Variants in EFNA1 observed in about 807,000 individuals in gnomAD.
The protein encoded by EFNA1 is ephrin A1, also known as ephrin-A1.
EFNA1 carries 8 observed loss-of-function variants against 23.2 expected under a neutral mutation model. The ratio of observed to expected loss-of-function variants is 0.34; its 90% CI spans 0.20 to 0.62. EFNA1 has a LOEUF of 0.62. EFNA1 is among the 20% of genes least tolerant of loss of function. The probability of loss-of-function intolerance (pLI) is 0.75; values close to 1 mark genes in which losing one functional copy is unlikely to be tolerated. For synonymous variants in EFNA1, 89 were observed against 98.6 expected (o/e 0.90, Z 0.58); for missense variants, 217 against 260.0 (o/e 0.83, Z 1.14).
chr1:155,130,790 T>C, intron 1 of EFNA1: 1 of 983,948 alleles, frequency 1.0e-6, no homozygotes, highest in Non-Finnish European at 1.2e-6. Flanking sequence ...AGCTGGGAAA[T>C]GTGAGATCTA....
intron 1 of EFNA1, chr1:155,130,474 G>C: frequency 1.0e-6 from 1 of 976,654 alleles, no homozygotes; most frequent in South Asian, 4.7e-5. Flanking sequence ...GGAGGGGAGA[G>C]GAGGGGAGAG....
chr1:155,132,416 T>C (rs983927994), intron 2 of EFNA1, among the ~76,000 whole-genome samples: 1 of 151,766 alleles, frequency 6.6e-6, no homozygotes, highest in African/African-American at 2.4e-5. Flanking sequence ...GCCCAGCTAA[T>C]TTTGTATTTT....
chr1:155,131,172 G>A, intron 1 of EFNA1, 167 bp from the exon 2 acceptor site: 1 of 1,351,410 alleles, frequency 7.4e-7, no homozygotes, highest in African/African-American at 1.5e-5. Flanking sequence ...AGATGGCAGA[G>A]AGAAATGTAA....
chr1:155,131,016 T>C, intron 1 of EFNA1: 1 of 985,254 alleles, frequency 1.0e-6, no homozygotes, highest in African/African-American at 1.7e-5. Context: ...GAATGATAAG[T>C]GAGCTACAGA....
Position 155,128,025 on chromosome 1 carries a change from C to T in EFNA1, c.48C>T (p.Ala16=). 6 of 1,613,778 alleles carry T rather than the reference C, an allele frequency of 3.7e-6. No homozygotes were observed. The highest frequency in any genetic ancestry group is 1.3e-5 in the African/African-American group (1 of 75,056). The change falls in exon 1 of 5, where the codon GCC becomes GCT. Residue 16 remains alanine, a synonymous_variant. Coordinates refer to ENST00000368407, the MANE Select transcript of EFNA1 (RefSeq NM_004428.3). ...TCTTGGGTCTGTGCTGCAGTCTGGCCGCTGCTGATCGCCACACCGTCTTCT... is the reference window on the plus strand; with the variant it reads ...TCTTGGGTCTGTGCTGCAGTCTGGCTGCTGCTGATCGCCACACCGTCTTCT... ...APLLGLCCSL[A]AADRHTVFWN...
chr1:155,128,764 AG>A (rs1664153303), intron 1 of EFNA1, among the ~76,000 whole-genome samples: 1 of 152,212 alleles, frequency 6.6e-6, no homozygotes, highest in Non-Finnish European at 1.5e-5. Flanking sequence ...GGGTTACAGA[AG>A]GTTCTGGGCA....
At chr1:155,132,933 CAG>C (rs1557786556) in intron 2 of EFNA1, among the ~76,000 whole-genome samples, 1 of 151,516 alleles carries the variant, frequency 6.6e-6, no homozygotes, top group Admixed American at 6.6e-5. Flanking sequence ...TTTTCTGAGA[CAG>C]AGTCTCGCTC....
At position 155,133,557 on chromosome 1, in the gene EFNA1, G is replaced by T. The variant is rs2102472809; in HGVS notation, c.443G>T (p.Ser148Ile). ...DRCLRLKVTV[S>I]GKITHSPQAH... is the part of the protein sequence containing the mutation. ...TGCTTGAGGTTGAAGGTGACTGTCA[G>T]TGGCAAAATCAGTGAGTGTCAGAGC... The change falls in exon 3 of 5, where the codon AGT (serine) becomes ATT (isoleucine). Residue 148 changes from serine to isoleucine, a missense_variant. Ser to Ile is a moderately radical substitution (Grantham distance 142, BLOSUM62 -2). Transcript: ENST00000368407. 1.9e-6 allele frequency: 3 copies of T among 1,613,942 alleles called. No homozygotes were observed. The highest frequency in any genetic ancestry group is 1.1e-5 in the South Asian group (1 of 91,066).
In EFNA1 at chr1:155,129,317, A is replaced by AG. The variant is rs991023002; in HGVS notation, c.92+1255dup. Among the ~76,000 whole-genome samples, 15 of 152,024 alleles carry AG rather than the reference A, an allele frequency of 9.9e-5. 1 individual carries two copies. The highest frequency in any genetic ancestry group is 2.7e-4 in the African/African-American group (11 of 41,504). On this transcript the variant is annotated intron_variant, in intron 1 of 4. Coordinates refer to ENST00000368407, the MANE Select transcript of EFNA1 (RefSeq NM_004428.3). ...AGGGGACAGGAAGCCATGAGTAGGGAGGGGGGGACCCTGGCCTTTTCCGTT... is the reference window on the plus strand; with the variant it reads ...AGGGGACAGGAAGCCATGAGTAGGGAGGGGGGGGACCCTGGCCTTTTCCGTT...
At position 155,133,427 on chromosome 1, in the gene EFNA1, AGGGCGAG is replaced by A. The variant is rs1366412365; in HGVS notation, c.389-71_389-65del. 27 of 1,509,698 alleles carry A rather than the reference AGGGCGAG, an allele frequency of 1.8e-5. 1 individual carries two copies. In the South Asian group the frequency reaches 2.7e-4, roughly 15 times the overall value. The allele number at this position is 1,509,698 out of a possible 1,614,324, so 93.5% of individuals were successfully genotyped here. A position where few individuals can be genotyped will look rare whatever the true frequency, so the allele number is the denominator to read the frequency against. Reference sequence around the variant, plus strand: ...AAATTGAGTAGGGAGCTGAGAAAGCAGGGCGAGGGGCATTTGGACTTACATTTTCTTC... The same window carrying A: ...AAATTGAGTAGGGAGCTGAGAAAGCAGGGCATTTGGACTTACATTTTCTTC... On this transcript the variant is annotated intron_variant, in intron 2 of 4. Transcript: ENST00000368407.
At chr1:155,131,059 G>A in intron 1 of EFNA1, 1 of 1,244,634 alleles carries the variant, frequency 8.0e-7, no homozygotes, top group African/African-American at 1.5e-5. Context: ...TATCAGGTAA[G>A]TATCAGGGGG....
intron 2 of EFNA1, 89 bp from the exon 3 acceptor site, chr1:155,133,414 G>A (rs2102472551): frequency 7.1e-7 from 1 of 1,404,960 alleles, no homozygotes; most frequent in East Asian, 2.3e-5. Flanking sequence ...ATTGAGTAGG[G>A]AGCTGAGAAA....
At chr1:155,133,426 C>A in intron 2 of EFNA1, 77 bp from the exon 3 acceptor site, 1 of 1,502,568 alleles carries the variant, frequency 6.7e-7, no homozygotes. Flanking sequence ...GCTGAGAAAG[C>A]AGGGCGAGGG....
Position 155,131,826 on chromosome 1 carries a change from A to G in EFNA1, c.388+192A>G, listed in dbSNP as rs113643555. On this transcript the variant is annotated intron_variant, in intron 2 of 4. Transcript: ENST00000368407. Reference sequence around the variant, plus strand: ...CACTCTGTTTAGCGCTATGAGCACAAAGATAAATAAAACACTACAGAGCCC... The same window carrying G: ...CACTCTGTTTAGCGCTATGAGCACAGAGATAAATAAAACACTACAGAGCCC... 6.9e-3 allele frequency among the ~76,000 whole-genome samples: 1,048 copies of G among 152,286 alleles called. 12 individuals carry two copies. The highest frequency in any genetic ancestry group is 0.024 in the African/African-American group (998 of 41,534).
chr1:155,130,703 GA>G, intron 1 of EFNA1: 2 of 985,318 alleles, frequency 2.0e-6, no homozygotes, highest in Non-Finnish European at 2.4e-6. Flanking sequence ...ATGAATTGAT[GA>G]GAGTGATTTA....
chr1:155,131,197 T>G, intron 1 of EFNA1, 142 bp from the exon 2 acceptor site: 1 of 1,352,680 alleles, frequency 7.4e-7, no homozygotes. Flanking sequence ...TCAAGATCAG[T>G]ACATATTGGG....
At chr1:155,130,812 C>T (rs1011390221) in intron 1 of EFNA1, 17 of 984,990 alleles carry the variant, frequency 1.7e-5, no homozygotes, top group African/African-American at 1.4e-4. Flanking sequence ...TCAGTGGGTC[C>T]GGGGAAATGT....
At chr1:155,133,163 C>T (rs1302830872) in intron 2 of EFNA1, among the ~76,000 whole-genome samples, 1 of 152,108 alleles carries the variant, frequency 6.6e-6, no homozygotes, top group Non-Finnish European at 1.5e-5. Flanking sequence ...CCCACCTCGG[C>T]CTCTCAAAGT....
chr1:155,131,390 C>T lies in EFNA1; in HGVS notation c.144C>T (p.Asp48=). The change falls in exon 2 of 5, where the codon GAC becomes GAT. Residue 48 remains aspartate, a synonymous_variant. Transcript: ENST00000368407. ...ATGTGCAGCTGAATGACTACGTGGACATCATCTGTCCGCACTATGAAGATC... is the reference window on the plus strand; with the variant it reads ...ATGTGCAGCTGAATGACTACGTGGATATCATCTGTCCGCACTATGAAGATC... ...TIHVQLNDYV[D]IICPHYEDHS... The T allele has an allele frequency of 6.2e-7, 1 of 1,614,132 alleles. No individual in the cohort carries two copies. The highest frequency in any genetic ancestry group is 8.5e-7 in the Non-Finnish European group (1 of 1,180,000).
Sources: allele counts gnomAD v4.1 joint callset (sites outside exome capture counted in the v4.1 genomes callset), GRCh38; gene constraint gnomAD v4.1.1; transcripts MANE v1.5; gene names NCBI Gene and HGNC (gene_info 2026-07-23, HGNC 2026-07-21).